The following GRIK2 variants were observed in gnomAD, a reference collection of about 807,000 sequenced individuals.
GRIK2 encodes glutamate ionotropic receptor kainate type subunit 2.
GRIK2 carries 32 observed loss-of-function variants against 100.3 expected under a neutral mutation model. The ratio of observed to expected loss-of-function variants is 0.32; its 90% CI spans 0.24 to 0.43. The LOEUF (loss-of-function observed/expected upper bound fraction) is 0.43. Among genes scored for constraint, GRIK2 ranks in the 20% least tolerant of loss-of-function variants. GRIK2 has a pLI of 1.00. For synonymous variants in GRIK2, 417 were observed against 389.4 expected, an observed-to-expected ratio of 1.07 and a Z score of -0.83; for missense variants, 843 against 1,114.9, an observed-to-expected ratio of 0.76 and a Z score of 3.47.
At chr6:101,976,467 A>T (rs1793387177) in intron 14 of GRIK2, among the ~76,000 whole-genome samples, 1 of 151,868 alleles carries the variant, frequency 6.6e-6, no homozygotes, top group Non-Finnish European at 1.5e-5. Context: ...GGGCCTGAGG[A>T]GAGAAGATCA....
chr6:102,010,159 G>A (rs778025480), intron 14 of GRIK2, among the ~76,000 whole-genome samples: 3 of 152,004 alleles, frequency 2.0e-5, no homozygotes, highest in Non-Finnish European at 2.9e-5. Flanking sequence ...GGTTATATTT[G>A]TTACTATTGA....
intron 16 of GRIK2, among the ~76,000 whole-genome samples, chr6:102,066,950 T>C (rs1772047648): frequency 6.6e-6 from 1 of 151,668 alleles, no homozygotes; most frequent in Non-Finnish European, 1.5e-5. Flanking sequence ...AATAGAGCAG[T>C]GTCAAAATCA....
At chr6:101,929,603 T>G (rs924128085) in intron 14 of GRIK2, among the ~76,000 whole-genome samples, 1 of 152,164 alleles carries the variant, frequency 6.6e-6, no homozygotes, top group African/African-American at 2.4e-5. Context: ...TCGAGGAGAT[T>G]ATGGTTTAGT....
chr6:101,741,685 C>T (rs2128378048), intron 7 of GRIK2, among the ~76,000 whole-genome samples: 1 of 152,216 alleles, frequency 6.6e-6, no homozygotes, highest in African/African-American at 2.4e-5. Flanking sequence ...TTAATGGGAG[C>T]TATATTTTCA....
chr6:101,676,938 T>G lies in GRIK2; in HGVS notation c.723+134T>G, dbSNP rs1044208594. ...TGATGTAATTTTATGATAGAAAGTC[T>G]GACAATTGCTTTTAATTAATTGTCT... is the stretch of plus-strand genomic sequence containing the variant. On this transcript the variant is annotated intron_variant, in intron 5 of 16. Transcript: ENST00000369134. 1.3e-5 allele frequency: 7 copies of G among 559,094 alleles called. No homozygotes were observed. In the Admixed American group the frequency reaches 1.6e-4, roughly 13 times the overall value. The allele number at this position is 559,094 out of a possible 1,614,324, so 34.6% of individuals were successfully genotyped here.
chr6:101,640,938 C>T (rs1379882507), intron 4 of GRIK2, among the ~76,000 whole-genome samples: 2 of 152,030 alleles, frequency 1.3e-5, no homozygotes, highest in Non-Finnish European at 2.9e-5. Context: ...AATGTTTAAA[C>T]AAGCATAATT....
chr6:101,857,893 T>C (rs2791838), intron 10 of GRIK2, among the ~76,000 whole-genome samples: 25,434 of 152,162 alleles, frequency 0.17, 2,347 homozygotes, highest in African/African-American at 0.23. Flanking sequence ...CTCACTCACT[T>C]ACTGGATGTG....
At chr6:102,061,177 A>G (rs1441523565) in intron 16 of GRIK2, among the ~76,000 whole-genome samples, 2 of 150,610 alleles carry the variant, frequency 1.3e-5, no homozygotes, top group Non-Finnish European at 3.0e-5. Flanking sequence ...TCATTTGTTT[A>G]TGATAACCCA....
chr6:101,679,572 G>A (rs1562305143), intron 5 of GRIK2, among the ~76,000 whole-genome samples: 1 of 152,152 alleles, frequency 6.6e-6, no homozygotes, highest in South Asian at 2.1e-4. Flanking sequence ...AAAAGTAGCA[G>A]TAAGACATGC....
intron 15 of GRIK2, among the ~76,000 whole-genome samples, chr6:102,048,635 A>G (rs1771021127): frequency 6.6e-6 from 1 of 152,160 alleles, no homozygotes. Context: ...AATGCAAATT[A>G]AAACCACAGT....
chr6:101,520,390 A>T (rs1774823743), intron 2 of GRIK2, among the ~76,000 whole-genome samples: 1 of 150,648 alleles, frequency 6.6e-6, no homozygotes, highest in South Asian at 2.1e-4. Flanking sequence ...ATATTACATT[A>T]TATATTATTT....
chr6:101,841,960 G>C (rs140440436), intron 10 of GRIK2, among the ~76,000 whole-genome samples: 1 of 152,096 alleles, frequency 6.6e-6, no homozygotes, highest in Non-Finnish European at 1.5e-5. Context: ...GTTTTGAATC[G>C]TGAGCCTGCC....
chr6:101,772,708 G>C (rs77535363), intron 7 of GRIK2, among the ~76,000 whole-genome samples: 1,221 of 121,230 alleles, frequency 0.01, 62 homozygotes, highest in African/African-American at 0.037. Context: ...TGATTCTTTA[G>C]CTTTTTTCCA....
intron 4 of GRIK2, among the ~76,000 whole-genome samples, chr6:101,674,421 C>T (rs1318443166): frequency 6.6e-6 from 1 of 152,138 alleles, no homozygotes; most frequent in Non-Finnish European, 1.5e-5. Context: ...TAAAGAGTTA[C>T]CTTGTAAAAT....
At chr6:102,049,642 T>A (rs943329797) in intron 15 of GRIK2, among the ~76,000 whole-genome samples, 2 of 152,144 alleles carry the variant, frequency 1.3e-5, no homozygotes, top group Admixed American at 1.3e-4. Flanking sequence ...AGTAATCCTT[T>A]ACAAATCAAA....
intron 2 of GRIK2, among the ~76,000 whole-genome samples, chr6:101,561,497 T>G (rs1161649254): frequency 6.6e-6 from 1 of 152,098 alleles, no homozygotes; most frequent in Non-Finnish European, 1.5e-5. Flanking sequence ...TAACAATAAT[T>G]TATTATAGAT....
intron 2 of GRIK2, among the ~76,000 whole-genome samples, chr6:101,400,727 A>T (rs895431920): frequency 2.6e-5 from 4 of 152,174 alleles, no homozygotes; most frequent in African/African-American, 9.7e-5. Context: ...TGTAGAACAA[A>T]GGTAGGGATG....
intron 7 of GRIK2, among the ~76,000 whole-genome samples, chr6:101,782,558 A>G (rs1314109760): frequency 6.6e-6 from 1 of 152,176 alleles, no homozygotes; most frequent in Non-Finnish European, 1.5e-5. Context: ...TCATGGTCAA[A>G]TGATGTTCTA....
intron 12 of GRIK2, among the ~76,000 whole-genome samples, chr6:101,907,279 C>T (rs1048461274): frequency 5.3e-5 from 8 of 151,574 alleles, no homozygotes; most frequent in Non-Finnish European, 7.4e-5. Context: ...TAAACATCAT[C>T]TGAATGCTTT....
Sources: gnomAD v4.1 joint callset for allele counts (sites outside exome capture counted in the v4.1 genomes callset) on GRCh38, gnomAD v4.1.1 for gene constraint, MANE v1.5 for transcripts, NCBI Gene and HGNC (gene_info 2026-07-23, HGNC 2026-07-21) for gene names.